The following CACNA1D variants were observed in gnomAD, a reference collection of about 807,000 sequenced individuals.
The protein encoded by CACNA1D is calcium voltage-gated channel subunit alpha1 D.
In CACNA1D, 55 loss-of-function variants were observed where a neutral mutation model predicts 257.1. That is an observed-to-expected ratio of 0.21 (90% CI 0.17 to 0.27). CACNA1D has a LOEUF of 0.27. Ranked by LOEUF, CACNA1D falls within the 10% of genes least tolerant of loss-of-function variation. The probability of loss-of-function intolerance (pLI) is 1.00; values close to 1 mark genes in which losing one functional copy is unlikely to be tolerated. For synonymous variants in CACNA1D, 980 were observed against 1,014.9 expected, an observed-to-expected ratio of 0.97 and a Z score of 0.65; for missense variants, 1,876 against 2,784.0, an observed-to-expected ratio of 0.67 and a Z score of 7.34.
In CACNA1D at chr3:53,774,300, A is replaced by C; in HGVS notation, c.4111-287A>C. 1 of 422,114 alleles carries C rather than the reference A, an allele frequency of 2.4e-6. No homozygotes were observed. Among genetic ancestry groups the C allele is most frequent in the Non-Finnish European group, 4.4e-6 (1 of 225,980 alleles). The allele number at this position is 422,114 out of a possible 1,614,324, so 26.1% of individuals were successfully genotyped here. A position where few individuals can be genotyped will look rare whatever the true frequency, so the allele number is the denominator to read the frequency against. ...CTTCCCTGTGTGTCTGGACCACCCC[A>C]GCATCATCACTGGGGTTTGATGTTG... On this transcript the variant is annotated intron_variant, in intron 33 of 47. Coordinates refer to ENST00000350061, the MANE Select transcript of CACNA1D (RefSeq NM_001128840.3). This position sits in a 1 kb window ranked among gnomAD's most constrained non-coding sequence, Gnocchi z 4.3.
At chr3:53,668,019 T>C (rs765045960) in intron 7 of CACNA1D, among the ~76,000 whole-genome samples, 2 of 152,218 alleles carry the variant, frequency 1.3e-5, no homozygotes, top group Non-Finnish European at 2.9e-5. Context: ...TTGCAACTTC[T>C]AGTCAGATTA....
At chr3:53,718,586 C>T in intron 10 of CACNA1D, 198 bp downstream of exon 10, 1 of 745,520 alleles carries the variant, frequency 1.3e-6, no homozygotes, top group Non-Finnish European at 2.3e-6. Context: ...CCCCCCGCCC[C>T]CCCGCCCCCC....
rs986773364 is a variant in CACNA1D at position 53,812,395 on chromosome 3, G to T, written c.*989G>T. The stretch of plus-strand genomic sequence containing the variant: ...TGGGGTTAAAATTTTAAGTTTGAAA[G>T]AACTTGACACTACAGAAATTTTTCT... On this transcript the variant is annotated 3_prime_UTR_variant, in exon 48 of 48. Transcript: ENST00000350061. The T allele has an allele frequency of 4.6e-5, 7 of 152,162 alleles. No individual in the cohort carries two copies. The highest frequency in any genetic ancestry group is 1.7e-4 in the African/African-American group (7 of 41,434). The allele number at this position is 152,162 out of a possible 1,614,324, so 9.4% of individuals were successfully genotyped here.
intron 9 of CACNA1D, among the ~76,000 whole-genome samples, chr3:53,713,106 T>A (rs2633726): frequency 9.2e-5 from 14 of 152,052 alleles, no homozygotes; most frequent in African/African-American, 3.4e-4. Flanking sequence ...CTGAGGGTGG[T>A]GGGCAGGGGC....
At chr3:53,740,122 G>C (rs1312489125) in intron 20 of CACNA1D, among the ~76,000 whole-genome samples, 158 bp from the exon 21 acceptor site, 1 of 152,232 alleles carries the variant, frequency 6.6e-6, no homozygotes, top group Non-Finnish European at 1.5e-5. Context: ...ATTGACCAAA[G>C]TGGGCATTCA....
At chr3:53,802,076 G>C (rs2095539075) in intron 42 of CACNA1D, 71 bp from the exon 43 acceptor site, 2 of 1,308,488 alleles carry the variant, frequency 1.5e-6, no homozygotes, top group Admixed American at 3.4e-5. Context: ...CCTGATGTTT[G>C]CATTGTAAAT....
At chr3:53,551,033 T>G (rs2092521849) in intron 3 of CACNA1D, among the ~76,000 whole-genome samples, 1 of 152,230 alleles carries the variant, frequency 6.6e-6, no homozygotes, top group Non-Finnish European at 1.5e-5. Flanking sequence ...AGCTCCATTT[T>G]TGGGGTATTT....
intron 3 of CACNA1D, among the ~76,000 whole-genome samples, chr3:53,527,313 G>C (rs757759649): frequency 2.6e-4 from 40 of 152,322 alleles, no homozygotes; most frequent in Non-Finnish European, 4.6e-4. Flanking sequence ...CTTTCTGATG[G>C]CTTTGACTGG....
At chr3:53,731,929 C>T (rs2094997156) in intron 17 of CACNA1D, 87 bp from the exon 18 acceptor site, 2 of 850,806 alleles carry the variant, frequency 2.4e-6, no homozygotes, top group Non-Finnish European at 4.1e-6. Flanking sequence ...AATCCATGCC[C>T]TATGCTGGAC....
At chr3:53,562,713 A>G (rs988168135) in intron 3 of CACNA1D, among the ~76,000 whole-genome samples, 3 of 152,208 alleles carry the variant, frequency 2.0e-5, no homozygotes, top group Non-Finnish European at 4.4e-5. Flanking sequence ...CACTGAAGAA[A>G]TATGGAAGTG....
At chr3:53,632,880 T>G (rs2093837865) in intron 3 of CACNA1D, among the ~76,000 whole-genome samples, 1 of 152,194 alleles carries the variant, frequency 6.6e-6, no homozygotes, top group African/African-American at 2.4e-5. Flanking sequence ...ACATCGAGGA[T>G]AAGTGATCAT....
At position 53,722,316 on chromosome 3, in the gene CACNA1D, G is replaced by A. The variant is rs941177114; in HGVS notation, c.1508G>A (p.Arg503Gln). The change falls in exon 12 of 48, where the codon CGA (arginine) becomes CAA (glutamine). Residue 503 changes from arginine to glutamine, a missense_variant and splice_region_variant. By Grantham distance (43) the Arg-to-Gln change is conservative. Transcript: ENST00000350061. ...CQAISKSKLS[R>Q]RWRRWNRFNR... Reference sequence around the variant, plus strand: ...AGTAATGTTTGCTTGTCTTTTAGCCGACGCTGGCGTCGCTGGAACCGATTC... The same window carrying A: ...AGTAATGTTTGCTTGTCTTTTAGCCAACGCTGGCGTCGCTGGAACCGATTC... The A allele has an allele frequency of 4.3e-6, 7 of 1,614,090 alleles. No homozygotes were observed. The highest frequency in any genetic ancestry group is 5.1e-6 in the Non-Finnish European group (6 of 1,180,026).
chr3:53,608,333 T>C (rs1036533128), intron 3 of CACNA1D, among the ~76,000 whole-genome samples: 2 of 152,234 alleles, frequency 1.3e-5, no homozygotes, highest in Admixed American at 6.5e-5. Context: ...GTATATTGAC[T>C]CTGTATCCCA....
At chr3:53,742,498 C>T (rs1164461855) in intron 21 of CACNA1D, among the ~76,000 whole-genome samples, 1 of 152,102 alleles carries the variant, frequency 6.6e-6, no homozygotes, top group Non-Finnish European at 1.5e-5. Flanking sequence ...AAGATGGATG[C>T]GTCATTAAAG....
intron 3 of CACNA1D, among the ~76,000 whole-genome samples, chr3:53,571,803 GC>G (rs1335364603): frequency 6.6e-6 from 1 of 152,152 alleles, no homozygotes; most frequent in Non-Finnish European, 1.5e-5. Flanking sequence ...TTACAAAAAA[GC>G]GTGTCCTGTG....
At chr3:53,503,778 TG>T (rs200237803) in intron 3 of CACNA1D, among the ~76,000 whole-genome samples, 3 of 150,496 alleles carry the variant, frequency 2.0e-5, no homozygotes, top group African/African-American at 7.3e-5. Flanking sequence ...TTTTTTTTTG[TG>T]GGGGGGGATT....
At chr3:53,691,803 A>G (rs535017100) in intron 8 of CACNA1D, among the ~76,000 whole-genome samples, 10 of 80,142 alleles carry the variant, frequency 1.2e-4, no homozygotes, top group South Asian at 1.2e-3. Flanking sequence ...TATTACATAT[A>G]TAATATATAT....
intron 3 of CACNA1D, among the ~76,000 whole-genome samples, chr3:53,629,917 A>C (rs1034854094): frequency 5.3e-5 from 8 of 152,186 alleles, no homozygotes; most frequent in Admixed American, 5.2e-4. Context: ...GTCATTATCC[A>C]TTTCTAGAGA....
At chr3:53,810,362 C>T (rs2095590637) in intron 47 of CACNA1D, 64 bp downstream of exon 47, 13 of 1,513,874 alleles carry the variant, frequency 8.6e-6, no homozygotes, top group Non-Finnish European at 1.1e-5. Flanking sequence ...GCAACTGTAA[C>T]AGCAGGAAGG....
Sources: gnomAD v4.1 joint callset for allele counts (sites outside exome capture counted in the v4.1 genomes callset) on GRCh38, gnomAD v4.1.1 for gene constraint, Gnocchi (gnomAD v3.1) non-coding constraint, MANE v1.5 for transcripts, NCBI Gene and HGNC (gene_info 2026-07-23, HGNC 2026-07-21) for gene names.